MTFR1: variants seen among roughly 807,000 people sequenced by gnomAD.
MTFR1 encodes the protein chondrocyte protein with a poly-proline region.
Under a neutral mutation model 38.8 loss-of-function variants are expected in MTFR1, and 28 were observed. The ratio of observed to expected loss-of-function variants is 0.72; its 90% CI spans 0.53 to 0.99. MTFR1 has a LOEUF of 0.99. Ranked by LOEUF, MTFR1 falls within the 50% of genes least tolerant of loss-of-function variation. MTFR1 has a pLI of 0.00. For missense variants in MTFR1, 358 were observed against 395.5 expected (o/e 0.91, Z 0.81); for synonymous variants, 145 against 137.0 (o/e 1.06, Z -0.41).
chr8:65,658,025 C>T (rs1809314206), intron 1 of MTFR1, among the ~76,000 whole-genome samples: 2 of 152,230 alleles, frequency 1.3e-5, no homozygotes, highest in South Asian at 2.1e-4. Context: ...GAATAGTAAA[C>T]ATTATTCCAG....
chr8:65,713,840 T>A (rs909630838), downstream of MTFR1, among the ~76,000 whole-genome samples: 1 of 151,954 alleles, frequency 6.6e-6, no homozygotes, highest in Non-Finnish European at 1.5e-5. Context: ...CACACCACTA[T>A]GCCTGGCTAA....
chr8:65,728,697 G>A (rs1437928730), intron 3 of MTFR1: 1 of 152,152 alleles, frequency 6.6e-6, no homozygotes, highest in African/African-American at 2.4e-5. Context: ...GAATGGGCAT[G>A]GGTGTCTATG....
chr8:65,703,466 C>CA (rs1218690780), intron 4 of MTFR1, among the ~76,000 whole-genome samples: 26 of 88,274 alleles, frequency 2.9e-4, no homozygotes, highest in African/African-American at 1.2e-3. Flanking sequence ...TGGAGTCTTG[C>CA]ATTGTCATCC....
At chr8:65,759,384 C>A (rs184790509) in intron 3 of MTFR1, among the ~76,000 whole-genome samples, 3 of 152,204 alleles carry the variant, frequency 2.0e-5, no homozygotes, top group Non-Finnish European at 2.9e-5. Flanking sequence ...CTCAGGGATC[C>A]GCCAGAATGA....
At chr8:65,716,249 G>C (rs1216391989) in intron 2 of MTFR1, among the ~76,000 whole-genome samples, 1 of 152,036 alleles carries the variant, frequency 6.6e-6, no homozygotes, top group Non-Finnish European at 1.5e-5. Flanking sequence ...CAGGAAATGG[G>C]AGCCACACCC....
chr8:65,753,474 T>C (rs1418620416), intron 3 of MTFR1, among the ~76,000 whole-genome samples: 3 of 152,138 alleles, frequency 2.0e-5, no homozygotes, highest in Non-Finnish European at 4.4e-5. Context: ...ATGTGGAAAG[T>C]GAAATAATTA....
chr8:65,685,981 T>C (rs951286370), intron 3 of MTFR1, among the ~76,000 whole-genome samples: 1 of 152,098 alleles, frequency 6.6e-6, no homozygotes, highest in Non-Finnish European at 1.5e-5. Flanking sequence ...CAGATAGAAA[T>C]TGAGGAACCA....
chr8:65,656,803 C>G (rs1043572720), intron 1 of MTFR1, among the ~76,000 whole-genome samples: 2 of 151,724 alleles, frequency 1.3e-5, no homozygotes, highest in Non-Finnish European at 2.9e-5. Context: ...GCCCGGCTGC[C>G]TGGCTAATTT....
chr8:65,703,592 C>G (rs1326925555), intron 4 of MTFR1, among the ~76,000 whole-genome samples: 1 of 151,824 alleles, frequency 6.6e-6, no homozygotes, highest in Non-Finnish European at 1.5e-5. Context: ...TGCCACCATA[C>G]TCAGCTAATT....
At chr8:65,711,222 G>T (rs1256178927), downstream of MTFR1, among the ~76,000 whole-genome samples, 1 of 152,166 alleles carries the variant, frequency 6.6e-6, no homozygotes, top group Admixed American at 6.5e-5. Flanking sequence ...CATAGGAGGG[G>T]TAGGACTTGC....
At position 65,750,313 on chromosome 8, in the gene MTFR1, A is replaced by G. The variant is rs866922854; in HGVS notation, c.*49-20634A>G. 5.3e-5 allele frequency among the ~76,000 whole-genome samples: 8 copies of G among 152,360 alleles called. 1 individual carries two copies. Among genetic ancestry groups the G allele is most frequent in the Middle Eastern group, 6.8e-3 (2 of 294 alleles). ...TGTACTGTATTTATTATGAAAAAAT[A>G]ACCTAAAGCAGAGTTCAAGGTCATG... On this transcript the variant is annotated intron_variant, in intron 3 of 3. Coordinates refer to the MTFR1 transcript ENST00000521247.
chr8:65,690,613 A>G (rs1178360187), intron 3 of MTFR1, among the ~76,000 whole-genome samples: 1 of 151,936 alleles, frequency 6.6e-6, no homozygotes, highest in East Asian at 1.9e-4. Context: ...GTTTCCTTTT[A>G]TAGATGTTTT....
rs1295965698 is a variant in MTFR1 at position 65,730,171 on chromosome 8, C to CTTCTTTTTTTTTTTT, written c.*48+10692_*48+10693insCTTTTTTTTTTTTTT. On this transcript the variant is annotated intron_variant, in intron 3 of 3. Transcript: ENST00000521247. Reference sequence around the variant, plus strand: ...TGTGAGGGATCCAGGTTGCGCACTTCTTTTTTTTTTTTTTTTTTTTTTTTT... The same window carrying CTTCTTTTTTTTTTTT: ...TGTGAGGGATCCAGGTTGCGCACTTCTTCTTTTTTTTTTTTTTTTTTTTTTTTTTTTTTTTTTTTT... Among the ~76,000 whole-genome samples the CTTCTTTTTTTTTTTT allele has an allele frequency of 1.0e-3, 89 of 86,448 alleles. 17 individuals are homozygous for CTTCTTTTTTTTTTTT. The highest frequency in any genetic ancestry group is 3.1e-3 in the African/African-American group (65 of 20,938). 56.7% of individuals were successfully genotyped at this position (86,448 alleles called of 152,430 possible).
Position 65,710,446 on chromosome 8 carries a change from G to A in MTFR1, c.*1402G>A, listed in dbSNP as rs1036770561. Reference sequence around the variant, plus strand: ...AAAATTCAGAAAATTCACCTGAAACGTATTTTGACCTAAAAGAAACATATT... The same window carrying A: ...AAAATTCAGAAAATTCACCTGAAACATATTTTGACCTAAAAGAAACATATT... On this transcript the variant is annotated 3_prime_UTR_variant, in exon 8 of 8. Coordinates refer to ENST00000262146, the MANE Select transcript of MTFR1 (RefSeq NM_014637.4). The A allele has an allele frequency of 3.9e-5, 6 of 152,496 alleles. No homozygotes were observed. Among genetic ancestry groups the A allele is most frequent in the South Asian group, 2.1e-4 (1 of 4,830 alleles). The allele number at this position is 152,496 out of a possible 1,614,324, so 9.4% of individuals were successfully genotyped here.
intron 3 of MTFR1, among the ~76,000 whole-genome samples, chr8:65,768,642 G>T (rs751505319): frequency 6.6e-6 from 1 of 152,076 alleles, no homozygotes; most frequent in African/African-American, 2.4e-5. Flanking sequence ...ACTGATACTT[G>T]TATTCTCTTT....
downstream of MTFR1, chr8:65,714,700 A>G (rs964680098): frequency 1.3e-5 from 2 of 152,220 alleles, no homozygotes; most frequent in Admixed American, 6.5e-5. Context: ...AACAACATTT[A>G]TACATTAAAA....
At chr8:65,668,909 C>A (rs550200032) in intron 1 of MTFR1, among the ~76,000 whole-genome samples, 1 of 152,080 alleles carries the variant, frequency 6.6e-6, no homozygotes, top group Non-Finnish European at 1.5e-5. Context: ...CCAGTAAACT[C>A]GTCTATACCA....
intron 3 of MTFR1, chr8:65,745,422 C>T (rs771005170): frequency 7.0e-6 from 11 of 1,568,442 alleles, no homozygotes; most frequent in Non-Finnish European, 9.7e-6. Flanking sequence ...GTTAGTCTAT[C>T]AAATAGAAAG....
At chr8:65,757,554 G>A (rs191993419) in intron 3 of MTFR1, among the ~76,000 whole-genome samples, 30 of 152,240 alleles carry the variant, frequency 2.0e-4, no homozygotes, top group Admixed American at 6.5e-4. Flanking sequence ...CCGGCATCTG[G>A]AATAATTGAG....
Sources: allele counts gnomAD v4.1 joint callset (sites outside exome capture counted in the v4.1 genomes callset), GRCh38; gene constraint gnomAD v4.1.1; transcripts MANE v1.5; gene names NCBI Gene and HGNC (gene_info 2026-07-23, HGNC 2026-07-21).